The following ZMAT4 variants were observed in gnomAD, a reference collection of about 807,000 sequenced individuals.
ZMAT4 encodes the protein zinc finger matrin-type 4.
In ZMAT4, 17 loss-of-function variants were observed where a neutral mutation model predicts 28.7. That is an observed-to-expected ratio of 0.59 (90% CI 0.41 to 0.89). The LOEUF (loss-of-function observed/expected upper bound fraction) is 0.89, where lower values mean the gene tolerates loss of function less well. Ranked by LOEUF, ZMAT4 falls within the 40% of genes least tolerant of loss-of-function variation. ZMAT4 has a pLI of 0.00. For missense variants in ZMAT4, 240 were observed against 283.8 expected (o/e 0.85, Z 1.11); for synonymous variants, 117 against 109.2 (o/e 1.07, Z -0.44).
chr8:40,594,818 T>A (rs1805034518), intron 5 of ZMAT4, among the ~76,000 whole-genome samples: 1 of 152,148 alleles, frequency 6.6e-6, no homozygotes, highest in African/African-American at 2.4e-5. Flanking sequence ...ATACCCATCT[T>A]TTTTGACAGG....
intron 3 of ZMAT4, among the ~76,000 whole-genome samples, chr8:40,731,525 C>G (rs1378694425): frequency 6.6e-6 from 1 of 151,874 alleles, no homozygotes; most frequent in Non-Finnish European, 1.5e-5. Context: ...CTCAAATTAT[C>G]AACAAAAAGG....
intron 1 of ZMAT4, among the ~76,000 whole-genome samples, chr8:40,881,747 T>C (rs530448138): frequency 2.0e-5 from 3 of 151,784 alleles, no homozygotes; most frequent in African/African-American, 7.2e-5. Flanking sequence ...AGAACACCCA[T>C]TCTTTTCCTT....
At chr8:40,811,929 G>A (rs919465874) in intron 2 of ZMAT4, among the ~76,000 whole-genome samples, 1 of 152,084 alleles carries the variant, frequency 6.6e-6, no homozygotes, top group African/African-American at 2.4e-5. Flanking sequence ...TCAGGAGTTC[G>A]AGACCAGCCT....
At chr8:40,714,947 G>C (rs1277331250) in intron 3 of ZMAT4, among the ~76,000 whole-genome samples, 1 of 151,110 alleles carries the variant, frequency 6.6e-6, no homozygotes, top group Non-Finnish European at 1.5e-5. Flanking sequence ...TACTTGGGAG[G>C]CTGAGGGAGG....
At chr8:40,599,017 T>G (rs894767402) in intron 5 of ZMAT4, among the ~76,000 whole-genome samples, 2 of 152,184 alleles carry the variant, frequency 1.3e-5, no homozygotes, top group African/African-American at 4.8e-5. Flanking sequence ...ATATAAGATT[T>G]TCTGAACTCT....
chr8:40,620,896 C>G (rs888362362), intron 5 of ZMAT4, among the ~76,000 whole-genome samples: 1 of 152,280 alleles, frequency 6.6e-6, no homozygotes, highest in Admixed American at 6.5e-5. Context: ...ATTTATTTTT[C>G]AGCAGAAGCA....
chr8:40,896,010 T>A (rs181930411), intron 1 of ZMAT4, among the ~76,000 whole-genome samples: 1 of 152,186 alleles, frequency 6.6e-6, no homozygotes, highest in Non-Finnish European at 1.5e-5. Context: ...CAAAATTGTT[T>A]TGTTTACTGT....
chr8:40,667,161 T>A (rs1200982068), intron 5 of ZMAT4, among the ~76,000 whole-genome samples: 2 of 152,040 alleles, frequency 1.3e-5, no homozygotes, highest in Non-Finnish European at 2.9e-5. Flanking sequence ...TTTTTATTTT[T>A]ATTTTTTTCT....
chr8:40,680,432 G>T (rs762059604), intron 4 of ZMAT4, among the ~76,000 whole-genome samples: 5 of 152,244 alleles, frequency 3.3e-5, no homozygotes, highest in South Asian at 2.1e-4. Flanking sequence ...TGGGAAATTA[G>T]TAAAGACTTT....
intron 3 of ZMAT4, among the ~76,000 whole-genome samples, chr8:40,716,206 C>T (rs377524832): frequency 1.1e-3 from 175 of 152,254 alleles, no homozygotes; most frequent in African/African-American, 3.7e-3. Context: ...ATGTGGTACC[C>T]GGATTTGCAG....
chr8:40,848,897 G>A (rs1258779710), intron 1 of ZMAT4, among the ~76,000 whole-genome samples: 1 of 152,072 alleles, frequency 6.6e-6, no homozygotes, highest in African/African-American at 2.4e-5. Context: ...AACAAAGTCG[G>A]CACCTACATC....
rs142961756 is a variant in ZMAT4, at chr8:40,589,731, CCTTTCTTTCTTT to C, written c.578-8482_578-8471del. 6.5e-5 allele frequency among the ~76,000 whole-genome samples: 9 copies of C among 139,384 alleles called. 1 individual carries two copies. The highest frequency in any genetic ancestry group is 2.1e-4 in the African/African-American group (8 of 37,338). 91.4% of individuals were successfully genotyped at this position (139,384 alleles called of 152,430 possible). ...CTTCTTCCTTCTTCCTTCTTCCTTT[CCTTTCTTTCTTT>C]CTTTCTTTCTTTCTTTCTTTTTCTT... is the stretch of plus-strand genomic sequence containing the variant. On this transcript the variant is annotated intron_variant, in intron 5 of 6. Transcript: ENST00000297737.
intron 1 of ZMAT4, among the ~76,000 whole-genome samples, chr8:40,837,159 C>T (rs1170421210): frequency 6.6e-6 from 1 of 152,204 alleles, no homozygotes; most frequent in Non-Finnish European, 1.5e-5. Context: ...TACTGCACCA[C>T]ATAATTGAGT....
intron 3 of ZMAT4, among the ~76,000 whole-genome samples, chr8:40,745,110 G>T (rs1439649893): frequency 6.6e-6 from 1 of 152,220 alleles, no homozygotes; most frequent in African/African-American, 2.4e-5. Flanking sequence ...GCCAGCAGTG[G>T]CAGGCAGGGC....
chr8:40,657,069 C>T (rs762876968), intron 5 of ZMAT4, among the ~76,000 whole-genome samples: 25 of 152,220 alleles, frequency 1.6e-4, no homozygotes, highest in Non-Finnish European at 2.6e-4. Flanking sequence ...CTGGCTCTCT[C>T]GCTCAAGCTG....
At chr8:40,824,898 C>T (rs2150611572) in intron 2 of ZMAT4, among the ~76,000 whole-genome samples, 1 of 152,332 alleles carries the variant, frequency 6.6e-6, no homozygotes, top group South Asian at 2.1e-4. Context: ...CACCTCATTT[C>T]TTCCTCATCC....
At chr8:40,847,312 T>C (rs2150632166) in intron 1 of ZMAT4, among the ~76,000 whole-genome samples, 1 of 152,254 alleles carries the variant, frequency 6.6e-6, no homozygotes, top group East Asian at 1.9e-4. Flanking sequence ...AGAGTCATAT[T>C]TGCCGTTGAT....
Position 40,740,755 on chromosome 8 carries a change from T to G in ZMAT4, c.192+26886A>C, listed in dbSNP as rs76085688. ...TTTATGGAGCCTTGTGAAAAATCTG[T>G]GTGCTCTAACTCCTTACACATAAAA... On this transcript the variant is annotated intron_variant, in intron 3 of 6. Coordinates refer to ENST00000297737, the MANE Select transcript of ZMAT4 (RefSeq NM_024645.3). Among the ~76,000 whole-genome samples, 490 of 152,314 alleles carry G rather than the reference T, an allele frequency of 3.2e-3. 5 individuals carry two copies. Among genetic ancestry groups the G allele is most frequent in the African/African-American group, 0.011 (472 of 41,568 alleles).
chr8:40,667,681 G>A (rs959256915), intron 5 of ZMAT4, among the ~76,000 whole-genome samples: 2 of 152,076 alleles, frequency 1.3e-5, no homozygotes, highest in Non-Finnish European at 2.9e-5. Flanking sequence ...TATACTAAGT[G>A]TAACTCGTGA....
Sources: gnomAD v4.1 joint callset for allele counts (sites outside exome capture counted in the v4.1 genomes callset) on GRCh38, gnomAD v4.1.1 for gene constraint, MANE v1.5 for transcripts, NCBI Gene and HGNC (gene_info 2026-07-23, HGNC 2026-07-21) for gene names.